Variants in CACNA1C observed in about 807,000 individuals in gnomAD.
The protein encoded by CACNA1C is voltage-dependent L-type calcium channel subunit alpha-1C.
A neutral mutation model predicts 229.0 loss-of-function variants in CACNA1C; 30 were observed. That is an observed-to-expected ratio of 0.13 (90% CI 0.10 to 0.18). The LOEUF is 0.18. Among genes scored for constraint, CACNA1C ranks in the 10% least tolerant of loss-of-function variants. The probability of loss-of-function intolerance (pLI) is 1.00; values close to 1 mark genes in which losing one functional copy is unlikely to be tolerated. For missense variants in CACNA1C, 1,658 were observed against 2,845.0 expected (o/e 0.58, Z 9.49); for synonymous variants, 1,114 against 1,132.5 (o/e 0.98, Z 0.33).
In CACNA1C at chr12:2,407,353, CA is replaced by C. The variant is rs1336926031; in HGVS notation, c.478-41622del. Among the ~76,000 whole-genome samples, 43 of 111,304 alleles carry C rather than the reference CA, an allele frequency of 3.9e-4. 1 individual carries two copies. The highest frequency in any genetic ancestry group is 4.4e-3 in the Middle Eastern group (1 of 228). 73.0% of individuals were successfully genotyped at this position (111,304 alleles called of 152,430 possible). On this transcript the variant is annotated intron_variant, in intron 3 of 46. Coordinates refer to ENST00000399655, the MANE Select transcript of CACNA1C (RefSeq NM_000719.7). The stretch of plus-strand genomic sequence containing the variant: ...GATAATAGCCGTCCTGATAAGTGTG[CA>C]GTGGACATCGTCTCCACCGACACCA...
At chr12:2,663,734 T>TA (rs2095888407) in intron 34 of CACNA1C, among the ~76,000 whole-genome samples, 2 of 112,418 alleles carry the variant, frequency 1.8e-5, no homozygotes, top group Non-Finnish European at 3.5e-5. Flanking sequence ...GAATAGAGTA[T>TA]CTTTTTTTTT....
intron 1 of CACNA1C, among the ~76,000 whole-genome samples, chr12:2,062,277 G>A (rs1422545939): frequency 6.6e-6 from 1 of 152,176 alleles, no homozygotes. Context: ...TGCTTCATGT[G>A]CTTAATATGT....
At position 2,410,262 on chromosome 12, in the gene CACNA1C, C is replaced by T. The variant is rs538333574; in HGVS notation, c.478-38714C>T. ...GAATCGACCTCAACGAGCTCGTCGC[C>T]GGGCACCGTTTTAGCAGCCCCACCA... On this transcript the variant is annotated intron_variant, in intron 3 of 46. Coordinates refer to ENST00000399655, the MANE Select transcript of CACNA1C (RefSeq NM_000719.7). The surrounding 1 kb of genome is among the most constrained non-coding windows in gnomAD (Gnocchi z 5.3). 1.2e-4 allele frequency among the ~76,000 whole-genome samples: 18 copies of T among 152,246 alleles called. No individual in the cohort carries two copies. The highest frequency in any genetic ancestry group is 4.3e-4 in the African/African-American group (18 of 41,554).
intron 5 of CACNA1C, among the ~76,000 whole-genome samples, chr12:2,466,962 T>G (rs552999960): frequency 6.6e-6 from 1 of 152,304 alleles, no homozygotes; most frequent in South Asian, 2.1e-4. Flanking sequence ...TTCCTCTTGC[T>G]TTTTATCCCC....
intron 3 of CACNA1C, among the ~76,000 whole-genome samples, chr12:2,167,341 A>G (rs1201255260): frequency 6.6e-6 from 1 of 152,200 alleles, no homozygotes; most frequent in Non-Finnish European, 1.5e-5. Flanking sequence ...GCTAATTCTC[A>G]CATTTAACTC....
At chr12:2,043,731 C>G (rs2050577891) in intron 1 of CACNA1C, among the ~76,000 whole-genome samples, 1 of 140,400 alleles carries the variant, frequency 7.1e-6, no homozygotes, top group Admixed American at 7.1e-5. Context: ...TCTCGGCTCA[C>G]TGCAAGCTCC....
intron 1 of CACNA1C, among the ~76,000 whole-genome samples, chr12:2,006,593 T>TA (rs2043511133): frequency 6.6e-6 from 1 of 152,188 alleles, no homozygotes. Context: ...ATATCATAGA[T>TA]ACGGCACACA....
At chr12:2,390,589 A>G (rs2098465018) in intron 3 of CACNA1C, among the ~76,000 whole-genome samples, 1 of 152,198 alleles carries the variant, frequency 6.6e-6, no homozygotes. Flanking sequence ...GTGCTTTGGG[A>G]AAAAAGCAGA....
At position 2,274,839 on chromosome 12, in the gene CACNA1C, T is replaced by G. The variant is rs2238057; in HGVS notation, c.477+154409T>G. The stretch of plus-strand genomic sequence containing the variant: ...CTGAAGGAACATGAGATGGTGGAGT[T>G]CCAGGCTGGCTGGTGTGGGGCCCCG... On this transcript the variant is annotated intron_variant, in intron 3 of 46. Coordinates refer to ENST00000399655, the MANE Select transcript of CACNA1C (RefSeq NM_000719.7). 0.5 allele frequency among the ~76,000 whole-genome samples: 76,041 copies of G among 152,026 alleles called. 21,070 individuals are homozygous for G. The highest frequency in any genetic ancestry group is 0.75 in the African/African-American group (31,079 of 41,486).
intron 1 of CACNA1C, among the ~76,000 whole-genome samples, chr12:1,987,815 T>C (rs539179003): frequency 6.6e-6 from 1 of 152,348 alleles, no homozygotes; most frequent in South Asian, 2.1e-4. Context: ...TGGTGTACTA[T>C]GATTACATTT....
At chr12:2,004,158 A>G in intron 1 of CACNA1C, 1 of 1,381,152 alleles carries the variant, frequency 7.2e-7, no homozygotes, top group Non-Finnish European at 9.8e-7. Context: ...CTCAGTCCCC[A>G]GATCCACCCA....
At chr12:2,407,242 A>G (rs2098748395) in intron 3 of CACNA1C, among the ~76,000 whole-genome samples, 1 of 152,266 alleles carries the variant, frequency 6.6e-6, no homozygotes, top group Non-Finnish European at 1.5e-5. Flanking sequence ...TTGGGGTGGA[A>G]GTTCAGTTTT....
intron 34 of CACNA1C, among the ~76,000 whole-genome samples, 167 bp downstream of exon 34, chr12:2,655,405 A>G (rs1004506816): frequency 6.6e-6 from 1 of 152,154 alleles, no homozygotes; most frequent in Non-Finnish European, 1.5e-5. Context: ...ATTGTCATTT[A>G]TGATAACTTT....
intron 3 of CACNA1C, among the ~76,000 whole-genome samples, chr12:2,393,914 CG>C (rs909427071): frequency 1.3e-5 from 2 of 151,462 alleles, no homozygotes; most frequent in Non-Finnish European, 2.9e-5. Flanking sequence ...AAGACCAGCC[CG>C]GGCAACATAG....
At chr12:2,317,622 G>A (rs1484384586) in intron 3 of CACNA1C, among the ~76,000 whole-genome samples, 1 of 152,242 alleles carries the variant, frequency 6.6e-6, no homozygotes, top group African/African-American at 2.4e-5. Flanking sequence ...CTTATACATG[G>A]TTAAGATGGC....
intron 1 of CACNA1C, among the ~76,000 whole-genome samples, chr12:2,059,506 C>T (rs2056616811): frequency 1.3e-5 from 2 of 151,652 alleles, no homozygotes; most frequent in African/African-American, 2.4e-5. Context: ...TGGCAAGAAA[C>T]CCAAACCTCT....
At chr12:2,255,189 C>T (rs1025681621) in intron 3 of CACNA1C, among the ~76,000 whole-genome samples, 27 of 151,452 alleles carry the variant, frequency 1.8e-4, no homozygotes, top group African/African-American at 6.3e-4. Flanking sequence ...GATACAGACC[C>T]GTGCTCCCTC....
chr12:2,070,430 G>A (rs1263651374), intron 1 of CACNA1C, among the ~76,000 whole-genome samples: 1 of 152,106 alleles, frequency 6.6e-6, no homozygotes, highest in Non-Finnish European at 1.5e-5. Context: ...TAGTACTGAA[G>A]CATATATTTT....
At chr12:2,462,946 T>C (rs1431063871) in intron 5 of CACNA1C, among the ~76,000 whole-genome samples, 1 of 142,720 alleles carries the variant, frequency 7.0e-6, no homozygotes, top group Admixed American at 7.3e-5. Context: ...GGAGTCTTGC[T>C]CTGTCGCCCA....
Sources: gnomAD v4.1 joint callset for allele counts (sites outside exome capture counted in the v4.1 genomes callset) on GRCh38, gnomAD v4.1.1 for gene constraint, Gnocchi (gnomAD v3.1) non-coding constraint, MANE v1.5 for transcripts, NCBI Gene and HGNC (gene_info 2026-07-23, HGNC 2026-07-21) for gene names.